The following VPS54 variants were observed in gnomAD, a reference collection of about 807,000 sequenced individuals.
The protein encoded by VPS54 is VPS54 subunit of GARP complex.
A neutral mutation model predicts 121.5 loss-of-function variants in VPS54; 45 were observed. That is an observed-to-expected ratio of 0.37 (90% CI 0.29 to 0.47). The LOEUF (loss-of-function observed/expected upper bound fraction) is 0.47. Ranked by LOEUF, VPS54 falls within the 20% of genes least tolerant of loss-of-function variation. VPS54 has a pLI of 0.99. For synonymous variants in VPS54, 371 were observed against 385.8 expected (o/e 0.96, Z 0.45); for missense variants, 1,090 against 1,131.4 (o/e 0.96, Z 0.52).
chr2:63,929,064 A>G (rs1234896908), intron 12 of VPS54, among the ~76,000 whole-genome samples: 1 of 152,184 alleles, frequency 6.6e-6, no homozygotes, highest in Non-Finnish European at 1.5e-5. Flanking sequence ...CCACACAATA[A>G]TAATGGGAGA....
intron 20 of VPS54, among the ~76,000 whole-genome samples, chr2:63,911,934 C>T (rs189943381): frequency 6.6e-6 from 1 of 152,300 alleles, no homozygotes; most frequent in African/African-American, 2.4e-5. Flanking sequence ...TTGGGGAACA[C>T]TGCTTCATTT....
chr2:63,941,006 T>G (rs565155601), intron 11 of VPS54, among the ~76,000 whole-genome samples: 2 of 152,168 alleles, frequency 1.3e-5, no homozygotes. Context: ...ACATGTGACT[T>G]AGCATTGCTT....
At chr2:64,016,705 T>A (rs1439515592) in intron 1 of VPS54, among the ~76,000 whole-genome samples, 1 of 151,334 alleles carries the variant, frequency 6.6e-6, no homozygotes, top group Non-Finnish European at 1.5e-5. Flanking sequence ...ACCTCCCAGG[T>A]TCAAGCGATT....
chr2:64,007,231 A>G (rs947764597), intron 1 of VPS54, among the ~76,000 whole-genome samples: 1 of 152,220 alleles, frequency 6.6e-6, no homozygotes, highest in African/African-American at 2.4e-5. Flanking sequence ...ATGAAGCTAG[A>G]AAATATGGTG....
chr2:64,009,265 G>A (rs1436678351), intron 1 of VPS54, among the ~76,000 whole-genome samples: 5 of 151,840 alleles, frequency 3.3e-5, no homozygotes, highest in Non-Finnish European at 7.4e-5. Flanking sequence ...ATCTAATTGT[G>A]ACAATTTTAT....
chr2:63,929,920 G>A lies in VPS54; in HGVS notation c.1739+3753C>T, dbSNP rs180872103. Among the ~76,000 whole-genome samples the A allele has an allele frequency of 4.1e-3, 627 of 152,182 alleles. 17 individuals are homozygous for A. The highest frequency in any genetic ancestry group is 1.3e-3 in the Non-Finnish European group (91 of 67,982). ...ATAAACTAGAAAATCTAGAAGAAATGGATAAATTCCTCGACATATGCACCC... is the reference window on the plus strand; with the variant it reads ...ATAAACTAGAAAATCTAGAAGAAATAGATAAATTCCTCGACATATGCACCC... On this transcript the variant is annotated intron_variant, in intron 12 of 22. Transcript: ENST00000272322.
At chr2:63,997,176 C>G (rs913757417) in intron 1 of VPS54, among the ~76,000 whole-genome samples, 2 of 152,128 alleles carry the variant, frequency 1.3e-5, no homozygotes, top group African/African-American at 2.4e-5. Context: ...TTTTCTGATG[C>G]GTCTTTGTTT....
intron 8 of VPS54, 109 bp from the exon 9 acceptor site, chr2:63,947,599 T>G (rs1450531642): frequency 1.1e-6 from 1 of 950,614 alleles, no homozygotes; most frequent in East Asian, 3.5e-5. Context: ...ATCTCTATCC[T>G]GCACAAAGTA....
chr2:63,900,752 G>GT (rs70965150), intron 20 of VPS54, among the ~76,000 whole-genome samples: 24,475 of 151,418 alleles, frequency 0.16, 2,119 homozygotes, highest in Middle Eastern at 0.22. Flanking sequence ...CTCAAATCTG[G>GT]TTTTTTTTGT....
intron 3 of VPS54, among the ~76,000 whole-genome samples, chr2:63,972,469 A>C (rs1676333241): frequency 6.6e-6 from 1 of 152,236 alleles, no homozygotes; most frequent in Non-Finnish European, 1.5e-5. Context: ...TCCATCTCAT[A>C]TAATTATAGT....
At position 64,012,691 on chromosome 2, in the gene VPS54, C is replaced by CA. The variant is rs1202577558; in HGVS notation, c.-21+6246dup. Among the ~76,000 whole-genome samples the CA allele has an allele frequency of 6.4e-3, 871 of 135,976 alleles. 8 individuals are homozygous for CA. Among genetic ancestry groups the CA allele is most frequent in the East Asian group, 0.023 (106 of 4,668 alleles). The allele number at this position is 135,976 out of a possible 152,430, so 89.2% of individuals were successfully genotyped here. On this transcript the variant is annotated intron_variant, in intron 1 of 22. Transcript: ENST00000272322. Reference sequence around the variant, plus strand: ...ATCTTTAATCTCTTCATCGGCCCATCAAAAAAAAAAAAAAGAAAAGAAAAT... The same window carrying CA: ...ATCTTTAATCTCTTCATCGGCCCATCAAAAAAAAAAAAAAAGAAAAGAAAAT...
intron 7 of VPS54, among the ~76,000 whole-genome samples, chr2:63,961,710 C>T (rs79874218): frequency 0.027 from 4,127 of 152,176 alleles, 181 homozygotes; most frequent in African/African-American, 0.095. Context: ...TCAACACAAA[C>T]TTAATTTTAA....
intron 6 of VPS54, 90 bp downstream of exon 6, chr2:63,965,745 A>G (rs1020165895): frequency 1.3e-6 from 2 of 1,517,340 alleles, no homozygotes; most frequent in African/African-American, 2.8e-5. Flanking sequence ...TTAAAAGTAC[A>G]GCTTACTAAA....
chr2:63,940,354 A>G (rs189932590), intron 11 of VPS54, among the ~76,000 whole-genome samples: 7 of 152,332 alleles, frequency 4.6e-5, no homozygotes, highest in Admixed American at 6.5e-5. Context: ...GATGTTGTAC[A>G]TAAGTACTAG....
rs370162476 is a variant in VPS54, at chr2:64,011,410, C to T, written c.-21+7528G>A. ...GTAAAACCCTGTCTCTACTAAAATA[C>T]AAAAAGTTAGCCGGGCATGGTGGTG... On this transcript the variant is annotated intron_variant, in intron 1 of 22. Transcript: ENST00000272322. 3.1e-4 allele frequency among the ~76,000 whole-genome samples: 47 copies of T among 151,972 alleles called. 1 individual carries two copies. In the East Asian group the frequency reaches 6.8e-3, roughly 22 times the overall value.
At chr2:63,950,054 T>C (rs1433004870) in intron 7 of VPS54, among the ~76,000 whole-genome samples, 2 of 152,212 alleles carry the variant, frequency 1.3e-5, no homozygotes, top group Non-Finnish European at 2.9e-5. Flanking sequence ...TCCTCTGTTG[T>C]GGTACCTATT....
chr2:63,948,705 A>G (rs181651748), intron 8 of VPS54, among the ~76,000 whole-genome samples: 122 of 152,188 alleles, frequency 8.0e-4, no homozygotes, highest in African/African-American at 2.9e-3. Flanking sequence ...CCCAACTATG[A>G]TCACTTTTTA....
rs1242803040 is a variant in VPS54 at position 63,942,498 on chromosome 2, G to A, written c.1365C>T (p.Phe455=). ...PQWFDLLKDI[F]SKFTIFLQRV... ...TCTGTAGGAAAATTGTAAACTTAGA[G>A]AAAATATCCTTGAGCAGATCAAACC... The change falls in exon 11 of 23, where the codon TTC becomes TTT. Residue 455 remains phenylalanine (F), a synonymous_variant. Transcript: ENST00000272322. 6.3e-7 allele frequency: 1 copy of A among 1,597,342 alleles called. No individual in the cohort carries two copies. The highest frequency in any genetic ancestry group is 8.5e-7 in the Non-Finnish European group (1 of 1,171,012).
At chr2:63,933,574 T>C (rs1674314227) in intron 12 of VPS54, 99 bp downstream of exon 12, 2 of 1,139,388 alleles carry the variant, frequency 1.8e-6, no homozygotes, top group East Asian at 2.5e-5. Flanking sequence ...AATTCTAAAA[T>C]TTACATGGTT....
Sources: gnomAD v4.1 joint callset for allele counts (sites outside exome capture counted in the v4.1 genomes callset) on GRCh38, gnomAD v4.1.1 for gene constraint, MANE v1.5 for transcripts, NCBI Gene and HGNC (gene_info 2026-07-23, HGNC 2026-07-21) for gene names.